MAN1A2: variants seen among roughly 807,000 people sequenced by gnomAD.
MAN1A2 encodes mannosidase alpha class 1A member 2, also known as mannosyl-oligosaccharide 1,2-alpha-mannosidase IB.
Under a neutral mutation model 75.7 loss-of-function variants are expected in MAN1A2, and 26 were observed. The ratio of observed to expected loss-of-function variants is 0.34; its 90% CI spans 0.25 to 0.48. The LOEUF (loss-of-function observed/expected upper bound fraction) is 0.48, where lower values mean the gene tolerates loss of function less well. Ranked by LOEUF, MAN1A2 falls within the 20% of genes least tolerant of loss-of-function variation. The pLI, the probability that MAN1A2 is intolerant of heterozygous loss-of-function variation, is 0.99. For synonymous variants in MAN1A2, 247 were observed against 264.6 expected, an observed-to-expected ratio of 0.93 and a Z score of 0.65; for missense variants, 562 against 775.5, an observed-to-expected ratio of 0.72 and a Z score of 3.27.
At chr1:117,401,113 A>G (rs1456558183) in intron 1 of MAN1A2, among the ~76,000 whole-genome samples, 1 of 147,806 alleles carries the variant, frequency 6.8e-6, no homozygotes, top group Non-Finnish European at 1.5e-5. Context: ...GGAATCATAC[A>G]GTATTTGTCT....
intron 12 of MAN1A2, among the ~76,000 whole-genome samples, chr1:117,508,444 C>A (rs1041460302): frequency 6.6e-6 from 1 of 151,466 alleles, no homozygotes; most frequent in South Asian, 2.1e-4. Flanking sequence ...GTGTCTCTTG[C>A]TTGTGTGCTT....
At chr1:117,380,698 G>C (rs980063858) in intron 1 of MAN1A2, among the ~76,000 whole-genome samples, 10 of 152,144 alleles carry the variant, frequency 6.6e-5, no homozygotes, top group Non-Finnish European at 1.2e-4. Flanking sequence ...GTGGGTTTCT[G>C]GACATTCAGT....
In MAN1A2 at chr1:117,414,703, C is replaced by T; in HGVS notation, c.656-10C>T. On this transcript the variant is annotated splice_polypyrimidine_tract_variant and intron_variant, in intron 3 of 12. Coordinates refer to ENST00000356554, the MANE Select transcript of MAN1A2 (RefSeq NM_006699.5). ...CTTTTTAATGATAATTTTTTTCTTC[C>T]CAAATATAGGAAGTTCACAAATGGG... is the stretch of plus-strand genomic sequence containing the variant. 1.4e-6 allele frequency: 2 copies of T among 1,459,506 alleles called. No individual in the cohort carries two copies. The highest frequency in any genetic ancestry group is 1.2e-5 in the South Asian group (1 of 86,556). 90.4% of individuals were successfully genotyped at this position (1,459,506 alleles called of 1,614,324 possible). A position where few individuals can be genotyped will look rare whatever the true frequency, so the allele number is the denominator to read the frequency against.
At chr1:117,404,855 C>T (rs1647562126) in intron 2 of MAN1A2, among the ~76,000 whole-genome samples, 1 of 152,034 alleles carries the variant, frequency 6.6e-6, no homozygotes, top group African/African-American at 2.4e-5. Flanking sequence ...GAGATCAAGA[C>T]CATTCTGGCT....
intron 5 of MAN1A2, among the ~76,000 whole-genome samples, chr1:117,427,519 C>A (rs1003385997): frequency 6.6e-6 from 1 of 152,092 alleles, no homozygotes; most frequent in African/African-American, 2.4e-5. Flanking sequence ...TTCCAACATA[C>A]ATATAATTGG....
intron 1 of MAN1A2, among the ~76,000 whole-genome samples, chr1:117,385,235 G>T (rs995126915): frequency 1.3e-5 from 2 of 152,132 alleles, no homozygotes; most frequent in Non-Finnish European, 2.9e-5. Flanking sequence ...AGGTAGATGA[G>T]CAGGAGGGCA....
chr1:117,457,143 A>G (rs181416507), intron 6 of MAN1A2, among the ~76,000 whole-genome samples: 78 of 152,240 alleles, frequency 5.1e-4, no homozygotes, highest in African/African-American at 1.6e-3. Context: ...TATCAAAACA[A>G]TTTAATATGA....
Position 117,442,281 on chromosome 1 carries a change from T to C in MAN1A2, c.906T>C (p.Phe302=), listed in dbSNP as rs773210831. The change falls in exon 6 of 13, where the codon TTT becomes TTC. Residue 302 remains phenylalanine, a synonymous_variant. Coordinates refer to ENST00000356554, the MANE Select transcript of MAN1A2 (RefSeq NM_006699.5). ...VQLAEKLLPA[F]NTPTGIPWAM... is the part of the protein sequence containing the mutation. ...TGGCTGAGAAACTCCTTCCTGCCTT[T>C]AACACACCTACTGGGATTCCTTGGG... 1.2e-6 allele frequency: 2 copies of C among 1,612,554 alleles called. No homozygotes were observed. The highest frequency in any genetic ancestry group is 1.7e-5 in the Admixed American group (1 of 60,014).
At chr1:117,504,987 T>C (rs1029414076) in intron 12 of MAN1A2, among the ~76,000 whole-genome samples, 5 of 151,580 alleles carry the variant, frequency 3.3e-5, no homozygotes, top group African/African-American at 1.2e-4. Flanking sequence ...TATTTGATTA[T>C]TGTCATGTAA....
intron 10 of MAN1A2, among the ~76,000 whole-genome samples, chr1:117,498,089 A>G (rs1413503624): frequency 1.3e-5 from 2 of 151,888 alleles, no homozygotes; most frequent in Non-Finnish European, 2.9e-5. Flanking sequence ...AAAGAATATA[A>G]GTCAAGAGGA....
chr1:117,432,919 G>T (rs1648719440), intron 5 of MAN1A2, among the ~76,000 whole-genome samples: 1 of 147,312 alleles, frequency 6.8e-6, no homozygotes, highest in Non-Finnish European at 1.5e-5. Flanking sequence ...AAAGATAAAA[G>T]ATATATAAAA....
rs375365358 is a variant in MAN1A2 at position 117,525,231 on chromosome 1, A to G, written c.*2274A>G. The G allele has an allele frequency of 8.6e-6, 4 of 466,210 alleles. No individual in the cohort carries two copies. The highest frequency in any genetic ancestry group is 6.5e-5 in the East Asian group (1 of 15,420). 28.9% of individuals were successfully genotyped at this position (466,210 alleles called of 1,614,324 possible). ...ACAAACAAAGAATTTGACAGGGACA[A>G]TGGAAGGGTCTTCTTCACCACTCCT... On this transcript the variant is annotated 3_prime_UTR_variant, in exon 13 of 13. Transcript: ENST00000356554.
At chr1:117,402,135 A>T (rs1647452008) in intron 1 of MAN1A2, 51 bp from the exon 2 acceptor site, 1 of 1,530,836 alleles carries the variant, frequency 6.5e-7, no homozygotes, top group African/African-American at 1.4e-5. Context: ...TTAAAGGTTG[A>T]CATTCTTAAG....
chr1:117,419,646 A>G lies in MAN1A2; in HGVS notation c.775-923A>G, dbSNP rs192802373. 7.0e-4 allele frequency among the ~76,000 whole-genome samples: 107 copies of G among 152,060 alleles called. 1 individual carries two copies. The East Asian group carries it at 0.016, about 23-fold the overall frequency. On this transcript the variant is annotated intron_variant, in intron 4 of 12. Coordinates refer to ENST00000356554, the MANE Select transcript of MAN1A2 (RefSeq NM_006699.5). Reference sequence around the variant, plus strand: ...ATGAATGTTTTTATGTTAGTTGTATATCTTCTGTAGATTCTTTGATTATGT... The same window carrying G: ...ATGAATGTTTTTATGTTAGTTGTATGTCTTCTGTAGATTCTTTGATTATGT...
chr1:117,511,917 A>G (rs1256058681), intron 12 of MAN1A2, among the ~76,000 whole-genome samples: 1 of 152,130 alleles, frequency 6.6e-6, no homozygotes, highest in Non-Finnish European at 1.5e-5. Context: ...CGCAGTATCT[A>G]CGGTAGGGCC....
At chr1:117,394,229 C>T (rs60372971) in intron 1 of MAN1A2, among the ~76,000 whole-genome samples, 40,328 of 151,736 alleles carry the variant, frequency 0.27, 5,905 homozygotes, top group East Asian at 0.47. Context: ...CTACAGGCAC[C>T]CGCCACCATG....
At chr1:117,464,940 A>G (rs138265902) in intron 7 of MAN1A2, among the ~76,000 whole-genome samples, 117 of 152,308 alleles carry the variant, frequency 7.7e-4, no homozygotes, top group African/African-American at 2.7e-3. Flanking sequence ...ACCAGAAAAA[A>G]GGAAAAGGAG....
chr1:117,404,003 A>G lies in MAN1A2; in HGVS notation c.559-1546A>G, dbSNP rs144699695. Reference sequence around the variant, plus strand: ...ATGAGTGTTGAATTTTGTCAGATGCATTGTCTTCATTTTTCTCTAGATGAC... The same window carrying G: ...ATGAGTGTTGAATTTTGTCAGATGCGTTGTCTTCATTTTTCTCTAGATGAC... On this transcript the variant is annotated intron_variant, in intron 2 of 12. Transcript: ENST00000356554. Among the ~76,000 whole-genome samples the G allele has an allele frequency of 1.9e-3, 285 of 152,122 alleles. 1 individual carries two copies. The highest frequency in any genetic ancestry group is 6.6e-3 in the African/African-American group (273 of 41,500).
chr1:117,445,958 ATATT>A (rs916230379), intron 6 of MAN1A2, among the ~76,000 whole-genome samples: 5 of 147,228 alleles, frequency 3.4e-5, no homozygotes, highest in East Asian at 2.0e-4. Context: ...AAATTTATAT[ATATT>A]TATATATGAT....
Sources: allele counts gnomAD v4.1 joint callset (sites outside exome capture counted in the v4.1 genomes callset), GRCh38; gene constraint gnomAD v4.1.1; transcripts MANE v1.5; gene names NCBI Gene and HGNC (gene_info 2026-07-23, HGNC 2026-07-21).